TMTC4: variants seen among roughly 807,000 people sequenced by gnomAD.
The protein encoded by TMTC4 is transmembrane O-mannosyltransferase targeting cadherins 4.
TMTC4 carries 65 observed loss-of-function variants against 86.0 expected under a neutral mutation model. The observed-to-expected ratio is 0.76, with a 90% CI of 0.62 to 0.93. The LOEUF is 0.93. TMTC4 is among the 40% of genes least tolerant of loss of function. The pLI is 0.00. For missense variants in TMTC4, 866 were observed against 948.1 expected (o/e 0.91, Z 1.14); for synonymous variants, 379 against 382.5 (o/e 0.99, Z 0.11).
chr13:100,638,036 G>A lies in TMTC4; in HGVS notation c.742-14C>T, dbSNP rs756246615. The A allele has an allele frequency of 2.5e-6, 4 of 1,610,234 alleles. No homozygotes were observed. In the South Asian group the frequency reaches 3.3e-5, roughly 13 times the overall value. ...CGCATTTAAACCCTAAGAAAGCAAA[G>A]CAAGACAATCAGCCACGGGAGAGCT... On this transcript the variant is annotated splice_polypyrimidine_tract_variant and intron_variant, in intron 7 of 18. Coordinates refer to ENST00000342624, the MANE Select transcript of TMTC4 (RefSeq NM_032813.5).
intron 10 of TMTC4, chr13:100,635,656 T>C (rs1594298572): frequency 6.5e-6 from 1 of 153,226 alleles, no homozygotes; most frequent in African/African-American, 2.4e-5. Context: ...TTAAAGTTTA[T>C]GAAATTTGAA....
chr13:100,646,343 A>G (rs1312402574), intron 6 of TMTC4, among the ~76,000 whole-genome samples: 1 of 152,200 alleles, frequency 6.6e-6, no homozygotes, highest in Non-Finnish European at 1.5e-5. Context: ...TCTACTCTCT[A>G]TCAAAAGGGG....
rs936958152 is a variant in TMTC4 at position 100,636,748 on chromosome 13, G to A, written c.1000-14C>T. The A allele has an allele frequency of 6.2e-7, 1 of 1,613,648 alleles. No homozygotes were observed. The highest frequency in any genetic ancestry group is 1.1e-5 in the South Asian group (1 of 91,062). On this transcript the variant is annotated splice_polypyrimidine_tract_variant and intron_variant, in intron 9 of 18. Coordinates refer to ENST00000342624, the MANE Select transcript of TMTC4 (RefSeq NM_032813.5). ...GTAGTTTACGGCCTGCCAGTCAAAA[G>A]GAGAACAAACATCTATTTGATACTG...
chr13:100,625,441 G>A (rs1880322028), intron 15 of TMTC4, 94 bp downstream of exon 15: 2 of 1,501,378 alleles, frequency 1.3e-6, no homozygotes, highest in African/African-American at 1.4e-5. Context: ...TTTATAAAAT[G>A]TATGGGCTAG....
At chr13:100,671,960 T>C (rs1279743776) in intron 1 of TMTC4, among the ~76,000 whole-genome samples, 1 of 151,882 alleles carries the variant, frequency 6.6e-6, no homozygotes, top group Non-Finnish European at 1.5e-5. Flanking sequence ...CCAAAGGCTC[T>C]GGTGACGGAC....
chr13:100,607,338 G>A (rs761475043), intron 17 of TMTC4, among the ~76,000 whole-genome samples: 14 of 152,114 alleles, frequency 9.2e-5, no homozygotes, highest in Non-Finnish European at 1.8e-4. Flanking sequence ...CCAACATGGT[G>A]AAAACCCGTC....
intron 12 of TMTC4, among the ~76,000 whole-genome samples, chr13:100,628,555 A>G (rs1880881754): frequency 6.6e-6 from 1 of 152,034 alleles, no homozygotes. Flanking sequence ...TAATTTTTTG[A>G]GGTACTAACA....
At chr13:100,606,011 G>GCT (rs1283761469) in intron 18 of TMTC4, among the ~76,000 whole-genome samples, 1 of 152,184 alleles carries the variant, frequency 6.6e-6, no homozygotes, top group African/African-American at 2.4e-5. Flanking sequence ...TCAATGGCAA[G>GCT]CTTCCAAAGT....
intron 15 of TMTC4, among the ~76,000 whole-genome samples, chr13:100,619,194 T>C (rs192617046): frequency 0.023 from 3,442 of 151,078 alleles, 115 homozygotes; most frequent in African/African-American, 0.071. Context: ...CCCTCCTGGA[T>C]GGGGCGGCCG....
rs3809371 is a variant in TMTC4 at position 100,637,624 on chromosome 13, C to T, written c.913G>A (p.Val305Met). ...CCCGTGCCCATGATCCTCCAGCGCACGTAGAGCATCCCAGCCCCTCCAGAG... is the reference window on the plus strand; with the variant it reads ...CCCGTGCCCATGATCCTCCAGCGCATGTAGAGCATCCCAGCCCCTCCAGAG... Reference protein sequence around the residue: ...LTSGGAGMLYVRWRIMGTGPP... With the variant: ...LTSGGAGMLYMRWRIMGTGPP... The change falls in exon 9 of 19, where the codon GTG becomes ATG. Residue 305 changes from valine (V) to methionine (M), a missense_variant. Val to Met is a conservative substitution (Grantham distance 21). Coordinates refer to ENST00000342624, the MANE Select transcript of TMTC4 (RefSeq NM_032813.5). 317 of 1,614,172 alleles carry T rather than the reference C, an allele frequency of 2.0e-4. 1 individual carries two copies. In the East Asian group the frequency reaches 6.3e-3, roughly 32 times the overall value.
chr13:100,639,175 G>T (rs547206801), intron 7 of TMTC4, among the ~76,000 whole-genome samples: 33 of 152,280 alleles, frequency 2.2e-4, no homozygotes, highest in African/African-American at 7.9e-4. Context: ...TGCGGCAAAG[G>T]AGATCACACA....
intron 15 of TMTC4, among the ~76,000 whole-genome samples, chr13:100,615,441 T>C (rs1200893809): frequency 6.6e-6 from 1 of 150,884 alleles, no homozygotes; most frequent in Non-Finnish European, 1.5e-5. Context: ...GCGCCAGGCG[T>C]ATGTACGTAT....
At chr13:100,630,019 C>CTGTGTGTGTGTG (rs377655969) in intron 12 of TMTC4, among the ~76,000 whole-genome samples, 2 of 146,682 alleles carry the variant, frequency 1.4e-5, no homozygotes, top group South Asian at 2.2e-4. Flanking sequence ...GCCACCCAAT[C>CTGTGTGTGTGTG]TGTGTGTATG....
Position 100,617,196 on chromosome 13 carries a change from T to C in TMTC4, c.1837-2766A>G. Reference sequence around the variant, plus strand: ...GGGAGCGCAGTGGTGTGATGTGGTGTGACCAGTGGCTCACTACAGCCTTGA... The same window carrying C: ...GGGAGCGCAGTGGTGTGATGTGGTGCGACCAGTGGCTCACTACAGCCTTGA... On this transcript the variant is annotated intron_variant, in intron 15 of 18. Transcript: ENST00000342624. Among the ~76,000 whole-genome samples, 2 of 152,158 alleles carry C rather than the reference T, an allele frequency of 1.3e-5. 1 individual carries two copies. The highest frequency in any genetic ancestry group is 3.9e-4 in the East Asian group (2 of 5,194).
intron 15 of TMTC4, among the ~76,000 whole-genome samples, chr13:100,622,599 A>G (rs545393001): frequency 6.6e-6 from 1 of 152,104 alleles, no homozygotes; most frequent in African/African-American, 2.4e-5. Context: ...GTCTGCTGCC[A>G]TGTAAGATGT....
intron 1 of TMTC4, chr13:100,674,169 C>T (rs1173702818): frequency 2.1e-6 from 2 of 972,738 alleles, no homozygotes; most frequent in East Asian, 1.1e-4. Flanking sequence ...TCGGTGGCCC[C>T]GGGCGCCCGG....
chr13:100,652,161 G>A (rs1027607090), intron 6 of TMTC4, among the ~76,000 whole-genome samples: 9 of 151,206 alleles, frequency 6.0e-5, no homozygotes, highest in African/African-American at 9.7e-5. Flanking sequence ...GCAAAACTCC[G>A]TCTCAAACAA....
At chr13:100,632,449 C>A (rs4772319) in intron 12 of TMTC4, among the ~76,000 whole-genome samples, 28,023 of 152,090 alleles carry the variant, frequency 0.18, 2,878 homozygotes, top group Admixed American at 0.24. Context: ...GAACTCCACA[C>A]ATAGAAGGGG....
intron 4 of TMTC4, 105 bp downstream of exon 4, chr13:100,664,116 C>G (rs1385385924): frequency 7.2e-6 from 7 of 977,734 alleles, no homozygotes; most frequent in Non-Finnish European, 1.0e-5. Flanking sequence ...CCTGGAGCCA[C>G]TGACTAGACT....
Sources: gnomAD v4.1 joint callset for allele counts (sites outside exome capture counted in the v4.1 genomes callset) on GRCh38, gnomAD v4.1.1 for gene constraint, MANE v1.5 for transcripts, NCBI Gene and HGNC (gene_info 2026-07-23, HGNC 2026-07-21) for gene names.